The following CFAP43 variants were observed in gnomAD, a reference collection of about 807,000 sequenced individuals.
CFAP43 encodes cilia and flagella associated protein 43, also known as cilia- and flagella-associated protein 43.
Under a neutral mutation model 218.9 loss-of-function variants are expected in CFAP43, and 155 were observed. The observed-to-expected ratio is 0.71, with a 90% CI of 0.62 to 0.81. CFAP43 has a LOEUF of 0.81. Among genes scored for constraint, CFAP43 ranks in the 30% least tolerant of loss-of-function variants. The probability of loss-of-function intolerance (pLI) is 0.00; values close to 1 mark genes in which losing one functional copy is unlikely to be tolerated. For missense variants in CFAP43, 1,778 were observed against 1,954.3 expected, an observed-to-expected ratio of 0.91 and a Z score of 1.70; for synonymous variants, 645 against 681.3, an observed-to-expected ratio of 0.95 and a Z score of 0.83.
At position 104,145,502 on chromosome 10, in the gene CFAP43, G is replaced by T; in HGVS notation, c.3918C>A (p.Leu1306=). 1 of 1,603,230 alleles carries T rather than the reference G, an allele frequency of 6.2e-7. No homozygotes were observed. The highest frequency in any genetic ancestry group is 1.1e-5 in the South Asian group (1 of 89,988). The change falls in exon 31 of 38, where the codon CTC becomes CTA. Residue 1306 remains leucine (L), a synonymous_variant. Transcript: ENST00000357060. ...TTGGTCGGCGTTTAAAAAGTTTGTA[G>T]AGTATATCCACTTGATGACCAGGAA... The part of the protein sequence containing the change: ...SEIPGHQVDI[L]YKLFKRRPRI...
chr10:104,217,335 CT>C (rs1466135328), intron 3 of CFAP43, among the ~76,000 whole-genome samples: 7 of 128,648 alleles, frequency 5.4e-5, no homozygotes, highest in South Asian at 2.4e-4. Context: ...TTTTTCTTTT[CT>C]TTTCTTTCTT....
intron 10 of CFAP43, among the ~76,000 whole-genome samples, chr10:104,195,013 CA>C (rs1224300572): frequency 2.0e-5 from 3 of 152,178 alleles, no homozygotes; most frequent in Non-Finnish European, 4.4e-5. Context: ...TAAAAATAAT[CA>C]GCTGAAATTC....
chr10:104,174,948 G>A (rs1350848577), intron 19 of CFAP43, among the ~76,000 whole-genome samples: 5 of 151,860 alleles, frequency 3.3e-5, no homozygotes, highest in Admixed American at 6.6e-5. Context: ...CCAGCTACTC[G>A]GGAGGCTGAG....
chr10:104,137,369 A>C (rs906298692), intron 34 of CFAP43, among the ~76,000 whole-genome samples: 1 of 152,258 alleles, frequency 6.6e-6, no homozygotes, highest in Non-Finnish European at 1.5e-5. Flanking sequence ...CAAAGGCCAC[A>C]TATTGTATGA....
chr10:104,232,178 G>A lies in CFAP43; in HGVS notation c.65+4C>T. On this transcript the variant is annotated splice_donor_region_variant and intron_variant, in intron 1 of 37. Transcript: ENST00000357060. ...GATCGGTCGCGGGGCCGTGAACACC[G>A]CACCTCACGGACAAGGACGCGCCGC... 2 of 1,608,258 alleles carry A rather than the reference G, an allele frequency of 1.2e-6. No individual in the cohort carries two copies. The highest frequency in any genetic ancestry group is 1.7e-5 in the Admixed American group (1 of 59,512).
At position 104,164,229 on chromosome 10, in the gene CFAP43, T is replaced by G. The variant is rs766994665; in HGVS notation, c.3111A>C (p.Glu1037Asp). Residue 1037 changes from glutamate (E) to aspartate (D), a missense_variant, in exon 24 of 38, where the codon GAA becomes GAC. Transcript: ENST00000357060. ...FDAAYKQKEF[E>D]IARVKERNVR... The stretch of plus-strand genomic sequence containing the variant: ...CATTTCTTTCCTTCACGCGTGCAAT[T>G]TCAAACTCTTTTTGTTTATATGCAG... 2 of 1,613,742 alleles carry G rather than the reference T, an allele frequency of 1.2e-6. No homozygotes were observed. Among genetic ancestry groups the G allele is most frequent in the African/African-American group, 2.7e-5 (2 of 74,920 alleles).
Position 104,199,808 on chromosome 10 carries a change from GC to G in CFAP43, c.1096-1771del, listed in dbSNP as rs539125154. On this transcript the variant is annotated intron_variant, in intron 8 of 37. Transcript: ENST00000357060. ...AAGTTAAATATTAAAAGCTAATAGA[GC>G]CAGTGCCCTTACACAAACGCTTGAA... Among the ~76,000 whole-genome samples the G allele has an allele frequency of 1.4e-3, 216 of 149,386 alleles. 1 individual carries two copies. The highest frequency in any genetic ancestry group is 4.9e-3 in the African/African-American group (197 of 40,550).
In CFAP43 at chr10:104,168,797, G is replaced by C; in HGVS notation, c.2638C>G (p.Leu880Val). 2 of 1,614,068 alleles carry C rather than the reference G, an allele frequency of 1.2e-6. No homozygotes were observed. The highest frequency in any genetic ancestry group is 8.5e-7 in the Non-Finnish European group (1 of 1,180,020). Residue 880 changes from leucine (L) to valine (V), a missense_variant, in exon 21 of 38, where the codon CTT becomes GTT. Leu to Val is a conservative substitution (Grantham distance 32, BLOSUM62 1). Coordinates refer to ENST00000357060, the MANE Select transcript of CFAP43 (RefSeq NM_025145.7). Reference sequence around the variant, plus strand: ...GAATTCCAACATTCTTCTTTGATAAGTTCAGCCAAATAGCTCTTGGCTAAG... The same window carrying C: ...GAATTCCAACATTCTTCTTTGATAACTTCAGCCAAATAGCTCTTGGCTAAG... ...HNLAKSYLAE[L>V]IKEECWNSMA...
chr10:104,192,240 T>C lies in CFAP43; in HGVS notation c.1505A>G (p.Asn502Ser), dbSNP rs761809673. The change falls in exon 12 of 38, where the codon AAT (asparagine) becomes AGT (serine). Residue 502 changes from asparagine (N) to serine (S), a missense_variant. Around this residue, in one of 3 missense-constraint regions of CFAP43, gnomAD observed 1,553 missense variants for 1,685.2 expected, o/e 0.92. Coordinates refer to ENST00000357060, the MANE Select transcript of CFAP43 (RefSeq NM_025145.7). ...CTGAAATGAGCTTGAGGAGTTGGCA[T>C]TGATAATAAAGACTTTTCCTTCTGC... ...GTAEGKVFII[N>S]ANSSSSFQII... is the part of the protein sequence containing the mutation. The C allele has an allele frequency of 2.5e-5, 41 of 1,613,072 alleles. No individual in the cohort carries two copies. Among genetic ancestry groups the C allele is most frequent in the Admixed American group, 1.8e-4 (11 of 59,958 alleles).
chr10:104,173,016 T>A (rs2089472405), intron 19 of CFAP43, among the ~76,000 whole-genome samples: 1 of 152,150 alleles, frequency 6.6e-6, no homozygotes, highest in South Asian at 2.1e-4. Flanking sequence ...TGAACTTCTA[T>A]ACAATAAAAA....
chr10:104,225,884 A>T (rs960184), intron 2 of CFAP43, among the ~76,000 whole-genome samples: 1 of 152,268 alleles, frequency 6.6e-6, no homozygotes, highest in Non-Finnish European at 1.5e-5. Context: ...AATATATGAG[A>T]CATTGTAATT....
chr10:104,201,680 A>AT lies in CFAP43; in HGVS notation c.1095+1991dup, dbSNP rs11336747. Among the ~76,000 whole-genome samples, 540 of 146,062 alleles carry AT rather than the reference A, an allele frequency of 3.7e-3. 2 individuals carry two copies. The highest frequency in any genetic ancestry group is 0.024 in the East Asian group (121 of 5,020). On this transcript the variant is annotated intron_variant, in intron 8 of 37. Coordinates refer to ENST00000357060, the MANE Select transcript of CFAP43 (RefSeq NM_025145.7). Reference sequence around the variant, plus strand: ...ATATTATTTTTAAAACTACTTTCACATTTTTTTTTTTTTGCTGTTGTATGC... The same window carrying AT: ...ATATTATTTTTAAAACTACTTTCACATTTTTTTTTTTTTTGCTGTTGTATGC...
Position 104,226,020 on chromosome 10 carries a change from C to A in CFAP43, c.320-463G>T, listed in dbSNP as rs2091296543. Among the ~76,000 whole-genome samples, 6 of 152,338 alleles carry A rather than the reference C, an allele frequency of 3.9e-5. No individual in the cohort carries two copies. In the South Asian group the frequency reaches 1.2e-3, roughly 32 times the overall value. Reference sequence around the variant, plus strand: ...TAATATCTGCCAGCTTTTGGAACAGCTATAAAAAGTGACATACTCCTTTGT... The same window carrying A: ...TAATATCTGCCAGCTTTTGGAACAGATATAAAAAGTGACATACTCCTTTGT... On this transcript the variant is annotated intron_variant, in intron 2 of 37. Coordinates refer to ENST00000357060, the MANE Select transcript of CFAP43 (RefSeq NM_025145.7).
intron 3 of CFAP43, among the ~76,000 whole-genome samples, chr10:104,224,617 T>C (rs531986746): frequency 6.6e-6 from 1 of 151,592 alleles, no homozygotes; most frequent in Non-Finnish European, 1.5e-5. Flanking sequence ...TAGCTGGTCA[T>C]GATGGCGGGT....
chr10:104,178,287 C>G (rs1017274776), intron 19 of CFAP43, among the ~76,000 whole-genome samples: 1 of 152,180 alleles, frequency 6.6e-6, no homozygotes, highest in African/African-American at 2.4e-5. Flanking sequence ...ACAGATTGAT[C>G]ACTTCAGGTA....
At position 104,145,838 on chromosome 10, in the gene CFAP43, T is replaced by A. The variant is rs114362872; in HGVS notation, c.3856-274A>T. 1.9e-3 allele frequency among the ~76,000 whole-genome samples: 294 copies of A among 152,328 alleles called. 2 individuals are homozygous for A. Among genetic ancestry groups the A allele is most frequent in the African/African-American group, 6.9e-3 (288 of 41,560 alleles). ...TCCCAAAGAAGTGTCCCAAAATATA[T>A]TTACCCAAAAAACATGAATGTTACT... On this transcript the variant is annotated intron_variant, in intron 30 of 37. Transcript: ENST00000357060.
At chr10:104,208,234 T>A (rs1358099160) in intron 5 of CFAP43, among the ~76,000 whole-genome samples, 3 of 152,246 alleles carry the variant, frequency 2.0e-5, no homozygotes, top group Non-Finnish European at 2.9e-5. Context: ...GAGTTTTTTT[T>A]ATGACATCTA....
intron 19 of CFAP43, 75 bp downstream of exon 19, chr10:104,178,954 A>G: frequency 1.8e-6 from 2 of 1,126,146 alleles, no homozygotes; most frequent in South Asian, 1.5e-5. Context: ...TCCTCAGGGT[A>G]GAACAAAATT....
intron 4 of CFAP43, among the ~76,000 whole-genome samples, chr10:104,213,514 G>A (rs756129964): frequency 2.0e-5 from 3 of 151,878 alleles, no homozygotes; most frequent in African/African-American, 4.8e-5. Flanking sequence ...TTTTGCTTGC[G>A]GATAATGTGT....
Sources: gnomAD v4.1 joint callset for allele counts (sites outside exome capture counted in the v4.1 genomes callset) on GRCh38, gnomAD v4.1.1 for gene constraint, gnomAD v4.1.1 regional missense constraint, MANE v1.5 for transcripts, NCBI Gene and HGNC (gene_info 2026-07-23, HGNC 2026-07-21) for gene names.